Variants in WDR25 observed in about 807,000 individuals in gnomAD.
The protein encoded by WDR25 is WD repeat domain 25, also known as WD repeat-containing protein 25.
Under a neutral mutation model 47.7 loss-of-function variants are expected in WDR25, and 35 were observed. The observed-to-expected ratio is 0.73, with a 90% CI of 0.56 to 0.97. The LOEUF (loss-of-function observed/expected upper bound fraction) is 0.97. Among genes scored for constraint, WDR25 ranks in the 50% least tolerant of loss-of-function variants. WDR25 has a pLI of 0.00. For synonymous variants in WDR25, 248 were observed against 278.9 expected, an observed-to-expected ratio of 0.89 and a Z score of 1.10; for missense variants, 634 against 704.7, an observed-to-expected ratio of 0.90 and a Z score of 1.14.
intron 4 of WDR25, among the ~76,000 whole-genome samples, chr14:100,517,872 A>G (rs750521962): frequency 5.3e-5 from 8 of 152,040 alleles, no homozygotes; most frequent in Non-Finnish European, 1.2e-4. Flanking sequence ...AACAAAACAA[A>G]CATGATTCTT....
intron 4 of WDR25, among the ~76,000 whole-genome samples, chr14:100,515,751 T>C (rs1390957650): frequency 6.6e-6 from 1 of 151,576 alleles, no homozygotes; most frequent in Non-Finnish European, 1.5e-5. Context: ...TCAGCATCCT[T>C]AGTAGCTGGA....
At chr14:100,408,150 G>C (rs573061493) in intron 2 of WDR25, among the ~76,000 whole-genome samples, 1 of 152,100 alleles carries the variant, frequency 6.6e-6, no homozygotes, top group South Asian at 2.1e-4. Flanking sequence ...TGGAACGTGC[G>C]TGAAGCGGTG....
At chr14:100,495,774 T>C (rs1017619885) in intron 4 of WDR25, among the ~76,000 whole-genome samples, 5 of 152,364 alleles carry the variant, frequency 3.3e-5, no homozygotes, top group African/African-American at 1.2e-4. Context: ...ATAAGCTCCT[T>C]ACCTGCCAGA....
At chr14:100,484,268 T>G (rs530002573) in intron 4 of WDR25, 144 bp downstream of exon 4, 1 of 930,150 alleles carries the variant, frequency 1.1e-6, no homozygotes, top group African/African-American at 1.7e-5. Flanking sequence ...CTAAGCATAA[T>G]TTTTAGATGT....
chr14:100,388,826 C>T (rs186195947), intron 2 of WDR25, among the ~76,000 whole-genome samples: 7 of 152,268 alleles, frequency 4.6e-5, no homozygotes, highest in Admixed American at 2.6e-4. Flanking sequence ...GTACCAAGGG[C>T]GGGGCCTTGT....
chr14:100,381,778 A>C, intron 2 of WDR25, 32 bp downstream of exon 2: 1 of 1,526,268 alleles, frequency 6.6e-7, no homozygotes, highest in South Asian at 1.2e-5. Context: ...CTGCTTTCAG[A>C]TGCTCTTAGG....
At chr14:100,464,329 C>T (rs998253148) in intron 2 of WDR25, among the ~76,000 whole-genome samples, 2 of 152,154 alleles carry the variant, frequency 1.3e-5, no homozygotes, top group Admixed American at 1.3e-4. Context: ...CAGCCCCTTC[C>T]CTTGACCTTA....
Position 100,498,175 on chromosome 14 carries a change from G to C in WDR25, c.1101+14051G>C, listed in dbSNP as rs78052369. Among the ~76,000 whole-genome samples, 1 of 152,234 alleles carries C rather than the reference G, an allele frequency of 6.6e-6. No homozygotes were observed. Among genetic ancestry groups the C allele is most frequent in the African/African-American group, 2.4e-5 (1 of 41,470 alleles). On this transcript the variant is annotated intron_variant, in intron 4 of 6. Transcript: ENST00000402312. This position sits in a 1 kb window ranked among gnomAD's most constrained non-coding sequence, Gnocchi z 4.2. Reference sequence around the variant, plus strand: ...CACGGATGTTCCATGTACCCTGTCAGTGGGCAGGCTTTCCTGGCAGCCACA... The same window carrying C: ...CACGGATGTTCCATGTACCCTGTCACTGGGCAGGCTTTCCTGGCAGCCACA...
chr14:100,454,487 C>T, intron 2 of WDR25: 8 of 1,254,718 alleles, frequency 6.4e-6, no homozygotes, highest in Non-Finnish European at 8.3e-6. Flanking sequence ...GGCAGACTAA[C>T]CCTCCCACAG....
chr14:100,410,752 A>G (rs907399704), intron 2 of WDR25, among the ~76,000 whole-genome samples: 3 of 150,234 alleles, frequency 2.0e-5, no homozygotes, highest in African/African-American at 4.9e-5. Context: ...ACTACAGGAC[A>G]CTCACTTTTG....
intron 3 of WDR25, among the ~76,000 whole-genome samples, chr14:100,469,116 C>A (rs1435077350): frequency 6.6e-6 from 1 of 152,158 alleles, no homozygotes; most frequent in Non-Finnish European, 1.5e-5. Context: ...CCCCTTGAAC[C>A]CTCAGGCCAG....
chr14:100,394,323 T>C (rs1181032779), intron 2 of WDR25, among the ~76,000 whole-genome samples: 2 of 152,026 alleles, frequency 1.3e-5, no homozygotes, highest in Non-Finnish European at 2.9e-5. Context: ...GTGGTGGACT[T>C]GGGGGATGGC....
At chr14:100,455,952 G>A (rs765839373) in intron 2 of WDR25, among the ~76,000 whole-genome samples, 1 of 152,174 alleles carries the variant, frequency 6.6e-6, no homozygotes, top group Non-Finnish European at 1.5e-5. Context: ...TGGAGTAATG[G>A]AGTATGTGTA....
intron 4 of WDR25, among the ~76,000 whole-genome samples, chr14:100,490,657 A>G (rs1247739845): frequency 2.0e-5 from 3 of 152,290 alleles, no homozygotes; most frequent in South Asian, 4.1e-4. Context: ...TTTGGGGGCC[A>G]TGGTATGGGT....
intron 2 of WDR25, among the ~76,000 whole-genome samples, chr14:100,466,604 C>G (rs76550770): frequency 0.01 from 1,579 of 152,324 alleles, 37 homozygotes; most frequent in African/African-American, 0.036. Flanking sequence ...GGGTGGCGCT[C>G]TTCTTATTCC....
At chr14:100,492,381 C>A (rs1008725950) in intron 4 of WDR25, among the ~76,000 whole-genome samples, 3 of 152,164 alleles carry the variant, frequency 2.0e-5, no homozygotes, top group African/African-American at 7.2e-5. Context: ...GTAAGAAGAC[C>A]CCTGTTTAAA....
At chr14:100,431,627 A>G (rs956634464) in intron 2 of WDR25, among the ~76,000 whole-genome samples, 2 of 151,528 alleles carry the variant, frequency 1.3e-5, no homozygotes, top group Middle Eastern at 3.4e-3. Flanking sequence ...GCTCACTGCA[A>G]CCTCCGACTC....
chr14:100,496,828 CTTTTTTTTTTTTTT>C (rs1226765543), intron 4 of WDR25, among the ~76,000 whole-genome samples: 1 of 73,422 alleles, frequency 1.4e-5, no homozygotes, highest in Non-Finnish European at 2.5e-5. Context: ...TTCTTTAATT[CTTTTTTTTTTTTTT>C]TTTTTTTTTT....
chr14:100,520,670 A>G (rs1030022011), intron 4 of WDR25, among the ~76,000 whole-genome samples: 2 of 152,164 alleles, frequency 1.3e-5, no homozygotes, highest in African/African-American at 4.8e-5. Context: ...GAAGAAGACA[A>G]TGCATTTATT....
Sources: allele counts gnomAD v4.1 joint callset (sites outside exome capture counted in the v4.1 genomes callset), GRCh38; gene constraint gnomAD v4.1.1; non-coding constraint Gnocchi (gnomAD v3.1); transcripts MANE v1.5; gene names NCBI Gene and HGNC (gene_info 2026-07-23, HGNC 2026-07-21).